The following SGCD variants were observed in gnomAD, a reference collection of about 807,000 sequenced individuals.
SGCD encodes the protein sarcoglycan delta.
In SGCD, 18 loss-of-function variants were observed where a neutral mutation model predicts 36.6. That is an observed-to-expected ratio of 0.49 (90% CI 0.34 to 0.73). The LOEUF (loss-of-function observed/expected upper bound fraction) is 0.73, where lower values mean the gene tolerates loss of function less well. SGCD is among the 30% of genes least tolerant of loss of function. The pLI is 0.01. For synonymous variants in SGCD, 133 were observed against 130.6 expected, an observed-to-expected ratio of 1.02 and a Z score of -0.12; for missense variants, 387 against 346.7, an observed-to-expected ratio of 1.12 and a Z score of -0.92.
chr5:156,415,062 T>C (rs1222041795), intron 3 of SGCD, among the ~76,000 whole-genome samples: 1 of 151,950 alleles, frequency 6.6e-6, no homozygotes, highest in African/African-American at 2.4e-5. Context: ...AAGAACAGAG[T>C]ATAGTTACCA....
chr5:155,803,833 G>A, the SGCD span, among the ~76,000 whole-genome samples: 1 of 152,296 alleles, frequency 6.6e-6, no homozygotes, highest in Non-Finnish European at 1.5e-5. Context: ...GTATGCTCTT[G>A]GGATCTGGAG....
At chr5:156,099,215 C>T (rs1477218099) in intron 1 of SGCD, among the ~76,000 whole-genome samples, 1 of 152,188 alleles carries the variant, frequency 6.6e-6, no homozygotes, top group African/African-American at 2.4e-5. Flanking sequence ...TTGGTTGTCT[C>T]TTGAAACATT....
chr5:155,793,607 T>A, the SGCD span, among the ~76,000 whole-genome samples: 1 of 151,780 alleles, frequency 6.6e-6, no homozygotes, highest in African/African-American at 2.4e-5. Context: ...AGTGGTGTGA[T>A]CTCAGCTCAC....
intron 6 of SGCD, among the ~76,000 whole-genome samples, chr5:156,633,906 C>T (rs1236364549): frequency 6.6e-6 from 1 of 152,192 alleles, no homozygotes; most frequent in Non-Finnish European, 1.5e-5. Context: ...TTCCACACCA[C>T]AGAGAGGGCA....
At chr5:156,178,880 A>G (rs1763535944) in intron 3 of SGCD, among the ~76,000 whole-genome samples, 2 of 152,156 alleles carry the variant, frequency 1.3e-5, no homozygotes, top group Admixed American at 1.3e-4. Context: ...TGTATTAATG[A>G]TTGCCAATAT....
At chr5:156,439,099 T>C (rs554500274) in intron 3 of SGCD, among the ~76,000 whole-genome samples, 2 of 152,222 alleles carry the variant, frequency 1.3e-5, no homozygotes, top group African/African-American at 2.4e-5. Flanking sequence ...AAATAAGTAA[T>C]AGCAGCTAAC....
chr5:155,923,004 A>T (rs1249075085), intron 1 of SGCD, among the ~76,000 whole-genome samples: 1 of 152,206 alleles, frequency 6.6e-6, no homozygotes, highest in African/African-American at 2.4e-5. Context: ...CATGAAACAT[A>T]GTCATTATTT....
intron 3 of SGCD, among the ~76,000 whole-genome samples, chr5:156,374,442 T>C (rs781544350): frequency 1.3e-5 from 2 of 152,192 alleles, no homozygotes; most frequent in Non-Finnish European, 2.9e-5. Context: ...AATAGTTTTC[T>C]TGGTCATCAG....
chr5:156,474,830 C>T (rs535918070), intron 3 of SGCD, among the ~76,000 whole-genome samples: 26 of 152,168 alleles, frequency 1.7e-4, no homozygotes, highest in African/African-American at 5.3e-4. Context: ...ACTTGATATA[C>T]GTGCATTGGA....
chr5:156,435,688 G>A (rs1753210782), intron 3 of SGCD, among the ~76,000 whole-genome samples: 1 of 152,112 alleles, frequency 6.6e-6, no homozygotes, highest in East Asian at 1.9e-4. Flanking sequence ...TACTATGATA[G>A]ACCTCCTGAG....
At chr5:155,879,301 A>G (rs928753712) in intron 1 of SGCD, among the ~76,000 whole-genome samples, 14 of 152,196 alleles carry the variant, frequency 9.2e-5, no homozygotes, top group Non-Finnish European at 1.8e-4. Context: ...ATAAAACTGT[A>G]ATGCATTTTG....
intron 3 of SGCD, among the ~76,000 whole-genome samples, chr5:156,218,151 G>A (rs568684303): frequency 1.5e-3 from 230 of 152,170 alleles, no homozygotes; most frequent in Non-Finnish European, 2.8e-3. Context: ...GCATGAGCAT[G>A]TAATCCCAGC....
chr5:156,071,548 C>T (rs1760562623), intron 1 of SGCD, among the ~76,000 whole-genome samples: 1 of 152,068 alleles, frequency 6.6e-6, no homozygotes, highest in African/African-American at 2.4e-5. Context: ...GCTTTACTTC[C>T]AACTATGTGG....
chr5:156,475,740 T>C (rs779695470), intron 3 of SGCD, among the ~76,000 whole-genome samples: 1 of 152,184 alleles, frequency 6.6e-6, no homozygotes, highest in Non-Finnish European at 1.5e-5. Flanking sequence ...GTATATTTCT[T>C]TGATGGTTTC....
rs70981994 is a variant in SGCD, at chr5:155,980,587, C to CAA, written c.-282+110212_-282+110213dup. On this transcript the variant is annotated intron_variant, in intron 1 of 9. Coordinates refer to the SGCD transcript ENST00000517913. ...TCGGTGACAGAGCAAGACTCCCTAT[C>CAA]AAAAAAAAAAAAAAAAAAAAAAAAA... is the stretch of plus-strand genomic sequence containing the variant. Among the ~76,000 whole-genome samples the CAA allele has an allele frequency of 4.2e-5, 2 of 47,218 alleles. 1 individual carries two copies. Among genetic ancestry groups the CAA allele is most frequent in the African/African-American group, 2.1e-4 (2 of 9,642 alleles). The allele number at this position is 47,218 out of a possible 152,430, so 31.0% of individuals were successfully genotyped here.
intron 1 of SGCD, among the ~76,000 whole-genome samples, chr5:156,111,974 T>C (rs375870405): frequency 2.6e-5 from 4 of 152,070 alleles, no homozygotes; most frequent in African/African-American, 7.2e-5. Flanking sequence ...GAGACAGGGT[T>C]TCACCATGTT....
At chr5:156,644,006 A>G (rs529167156) in intron 6 of SGCD, among the ~76,000 whole-genome samples, 2 of 152,304 alleles carry the variant, frequency 1.3e-5, no homozygotes, top group South Asian at 4.1e-4. Flanking sequence ...TCATAATTAT[A>G]TCAATATTAA....
At chr5:155,751,801 C>G in the SGCD span, among the ~76,000 whole-genome samples, 1 of 151,722 alleles carries the variant, frequency 6.6e-6, no homozygotes, top group African/African-American at 2.4e-5. Context: ...ACATTTTTAA[C>G]TCATGTGGTG....
chr5:155,935,337 A>G (rs138828788), intron 1 of SGCD, among the ~76,000 whole-genome samples: 3 of 152,312 alleles, frequency 2.0e-5, no homozygotes, highest in Non-Finnish European at 2.9e-5. Flanking sequence ...TTGAAGGTCC[A>G]TCTTCTTTTT....
Sources: allele counts gnomAD v4.1 joint callset (sites outside exome capture counted in the v4.1 genomes callset), GRCh38; gene constraint gnomAD v4.1.1; transcripts MANE v1.5; gene names NCBI Gene and HGNC (gene_info 2026-07-23, HGNC 2026-07-21).